Variants in SLMAP observed in about 807,000 individuals in gnomAD.
SLMAP encodes sarcolemma associated protein.
Under a neutral mutation model 128.8 loss-of-function variants are expected in SLMAP, and 44 were observed. That is an observed-to-expected ratio of 0.34 (90% CI 0.27 to 0.44). The LOEUF is 0.44. Among genes scored for constraint, SLMAP ranks in the 20% least tolerant of loss-of-function variants. SLMAP has a pLI of 1.00. For missense variants in SLMAP, 787 were observed against 985.3 expected, an observed-to-expected ratio of 0.80 and a Z score of 2.69; for synonymous variants, 327 against 348.8, an observed-to-expected ratio of 0.94 and a Z score of 0.70.
At chr3:57,891,750 A>G (rs1250826234) in intron 15 of SLMAP, among the ~76,000 whole-genome samples, 1 of 152,092 alleles carries the variant, frequency 6.6e-6, no homozygotes, top group Middle Eastern at 3.4e-3. Context: ...CTAATTTTGT[A>G]TTTTTAGTAG....
chr3:57,817,013 G>A (rs989468888), intron 2 of SLMAP, among the ~76,000 whole-genome samples: 17 of 152,278 alleles, frequency 1.1e-4, no homozygotes, highest in Middle Eastern at 3.4e-3. Flanking sequence ...AGGGTGATTA[G>A]GGTCATTTTG....
At chr3:57,851,723 G>A (rs2153581542) in intron 6 of SLMAP, among the ~76,000 whole-genome samples, 1 of 152,000 alleles carries the variant, frequency 6.6e-6, no homozygotes. Flanking sequence ...GACCTCAAGT[G>A]ATCCATCCAC....
In SLMAP at chr3:57,929,270, C is replaced by G. The variant is rs1005978067; in HGVS notation, c.*1981C>G. Reference sequence around the variant, plus strand: ...ATGACTCTTTATGCAACATAACATACATTTGGTATTCTTCAGGGTTTAAAA... The same window carrying G: ...ATGACTCTTTATGCAACATAACATAGATTTGGTATTCTTCAGGGTTTAAAA... On this transcript the variant is annotated 3_prime_UTR_variant, in exon 25 of 25. Transcript: ENST00000671191. 6.6e-6 allele frequency: 1 copy of G among 152,548 alleles called. No individual in the cohort carries two copies. The highest frequency in any genetic ancestry group is 2.4e-5 in the African/African-American group (1 of 41,432). The allele number at this position is 152,548 out of a possible 1,614,324, so 9.4% of individuals were successfully genotyped here.
intron 9 of SLMAP, among the ~76,000 whole-genome samples, chr3:57,861,242 A>G (rs2095046063): frequency 1.3e-5 from 2 of 152,138 alleles, no homozygotes; most frequent in Admixed American, 6.6e-5. Flanking sequence ...AGAGAGGAAA[A>G]CTAGCTGTGT....
chr3:57,873,338 A>T (rs546600222), intron 14 of SLMAP, among the ~76,000 whole-genome samples: 1 of 152,166 alleles, frequency 6.6e-6, no homozygotes, highest in South Asian at 2.1e-4. Context: ...CCCCATCTCT[A>T]CTAATAATAC....
intron 17 of SLMAP, among the ~76,000 whole-genome samples, chr3:57,905,611 A>G (rs1033260632): frequency 2.0e-5 from 3 of 152,118 alleles, no homozygotes; most frequent in African/African-American, 7.2e-5. Flanking sequence ...ACCTGTTTTC[A>G]TATCTGTAAT....
intron 17 of SLMAP, among the ~76,000 whole-genome samples, chr3:57,906,316 T>TTTTTTTTTTTTTG (rs1559512975): frequency 5.8e-5 from 6 of 103,182 alleles, no homozygotes; most frequent in African/African-American, 2.0e-4. Flanking sequence ...TTTTCTTTTT[T>TTTTTTTTTTTTTG]TTTTTTTTTT....
At chr3:57,879,537 C>T (rs2095678150) in intron 14 of SLMAP, among the ~76,000 whole-genome samples, 1 of 152,162 alleles carries the variant, frequency 6.6e-6, no homozygotes, top group African/African-American at 2.4e-5. Context: ...AAGCCTGACA[C>T]ACTATATGGT....
chr3:57,805,090 C>T (rs1314127185), intron 2 of SLMAP, among the ~76,000 whole-genome samples: 1 of 151,980 alleles, frequency 6.6e-6, no homozygotes, highest in Non-Finnish European at 1.5e-5. Flanking sequence ...AGGTATTAGC[C>T]CTTGACTGTT....
chr3:57,921,499 G>T (rs376388403), intron 22 of SLMAP, among the ~76,000 whole-genome samples: 1 of 151,918 alleles, frequency 6.6e-6, no homozygotes, highest in Non-Finnish European at 1.5e-5. Context: ...GGCAGCAGGT[G>T]CCCGTAATCG....
At chr3:57,881,236 T>G (rs1219936937) in intron 14 of SLMAP, among the ~76,000 whole-genome samples, 2 of 152,016 alleles carry the variant, frequency 1.3e-5, no homozygotes, top group Non-Finnish European at 2.9e-5. Flanking sequence ...AGCCTTCTAC[T>G]CTATCGCTCT....
At chr3:57,887,992 C>T (rs922531341) in intron 14 of SLMAP, among the ~76,000 whole-genome samples, 1 of 152,188 alleles carries the variant, frequency 6.6e-6, no homozygotes, top group African/African-American at 2.4e-5. Context: ...AAGCATCAAT[C>T]ACATGTGAAG....
At position 57,757,481 on chromosome 3, in the gene SLMAP, C is replaced by T. The variant is rs1360069985; in HGVS notation, c.-171C>T. 4 of 646,860 alleles carry T rather than the reference C, an allele frequency of 6.2e-6. No individual in the cohort carries two copies. The highest frequency in any genetic ancestry group is 5.4e-5 in the African/African-American group (3 of 55,100). The allele number at this position is 646,860 out of a possible 1,614,324, so 40.1% of individuals were successfully genotyped here. Reference sequence around the variant, plus strand: ...GGTGATGGGGCTTGCGCTGGCTTGTCTTCCCACCCAAGTGAAGAGTTGATG... The same window carrying T: ...GGTGATGGGGCTTGCGCTGGCTTGTTTTCCCACCCAAGTGAAGAGTTGATG... On this transcript the variant is annotated 5_prime_UTR_variant, in exon 2 of 25. Transcript: ENST00000671191.
At chr3:57,896,698 A>AG (rs2096252069) in intron 16 of SLMAP, 107 bp downstream of exon 16, 2 of 1,261,824 alleles carry the variant, frequency 1.6e-6, no homozygotes, top group Non-Finnish European at 2.2e-6. Flanking sequence ...GAAAAAAAAA[A>AG]CGCTTCCATT....
intron 2 of SLMAP, among the ~76,000 whole-genome samples, chr3:57,792,904 A>G (rs1374395469): frequency 6.6e-6 from 1 of 151,992 alleles, no homozygotes; most frequent in Admixed American, 6.6e-5. Flanking sequence ...TTGAGAGGCT[A>G]AGCGGGGTGG....
intron 15 of SLMAP, 180 bp from the exon 16 acceptor site, chr3:57,896,331 G>A: frequency 1.5e-6 from 2 of 1,351,370 alleles, no homozygotes; most frequent in African/African-American, 1.5e-5. Flanking sequence ...TGAGCTACGT[G>A]TAATAACCAG....
intron 2 of SLMAP, among the ~76,000 whole-genome samples, chr3:57,786,829 G>A (rs1291032659): frequency 4.0e-5 from 6 of 151,116 alleles, no homozygotes; most frequent in African/African-American, 1.5e-4. Flanking sequence ...CGCCTCCCAG[G>A]TTCACGCCAT....
At chr3:57,862,207 T>C (rs928267365) in intron 10 of SLMAP, 121 bp downstream of exon 10, 2 of 726,124 alleles carry the variant, frequency 2.8e-6, no homozygotes, top group Non-Finnish European at 4.6e-6. Flanking sequence ...AATCCCAGCT[T>C]CTCAGGAGGC....
intron 2 of SLMAP, among the ~76,000 whole-genome samples, chr3:57,827,107 A>G (rs1175498921): frequency 6.6e-6 from 1 of 152,206 alleles, no homozygotes; most frequent in African/African-American, 2.4e-5. Context: ...TCATATCTTA[A>G]GAACTCCCCT....
Sources: gnomAD v4.1 joint callset for allele counts (sites outside exome capture counted in the v4.1 genomes callset) on GRCh38, gnomAD v4.1.1 for gene constraint, MANE v1.5 for transcripts, NCBI Gene and HGNC (gene_info 2026-07-23, HGNC 2026-07-21) for gene names.